The following CAB39 variants were observed in gnomAD, a reference collection of about 807,000 sequenced individuals.
CAB39 encodes calcium binding protein 39.
In CAB39, 8 loss-of-function variants were observed where a neutral mutation model predicts 40.0. The observed-to-expected ratio is 0.20, with a 90% confidence interval of 0.12 to 0.36. The LOEUF (loss-of-function observed/expected upper bound fraction) is 0.36. Ranked by LOEUF, CAB39 falls within the 10% of genes least tolerant of loss-of-function variation. The pLI, the probability that CAB39 is intolerant of heterozygous loss-of-function variation, is 1.00. For missense variants in CAB39, 270 were observed against 401.1 expected (o/e 0.67, Z 2.79); for synonymous variants, 156 against 141.6 (o/e 1.10, Z -0.72).
intron 8 of CAB39, 96 bp from the exon 9 acceptor site, chr2:230,818,420 A>G: frequency 1.0e-6 from 1 of 957,278 alleles, no homozygotes; most frequent in African/African-American, 1.7e-5. Flanking sequence ...CCATCCCAGG[A>G]GAGCACAGCT....
intron 2 of CAB39, among the ~76,000 whole-genome samples, chr2:230,775,197 C>T (rs1410196282): frequency 6.6e-6 from 1 of 151,508 alleles, no homozygotes; most frequent in Admixed American, 6.6e-5. Flanking sequence ...CTCATCATTC[C>T]CCCCAAATCT....
intron 8 of CAB39, chr2:230,818,311 A>T: frequency 1.9e-6 from 1 of 536,990 alleles, no homozygotes; most frequent in Non-Finnish European, 3.3e-6. Flanking sequence ...GAATGAGTTT[A>T]TCAGTCGTAT....
At position 230,798,832 on chromosome 2, in the gene CAB39, G is replaced by T; in HGVS notation, c.502G>T (p.Asp168Tyr). 1 of 1,610,882 alleles carries T rather than the reference G, an allele frequency of 6.2e-7. No individual in the cohort carries two copies. The highest frequency in any genetic ancestry group is 1.3e-5 in the African/African-American group (1 of 75,006). ...KIILWSEQFY[D>Y]FFRYVEMSTF... ...CATTTTGTGGTCGGAACAGTTTTAT[G>T]ATTTCTTCAGATATGTCGAAATGTC... Residue 168 changes from aspartate (D) to tyrosine (Y), a missense_variant, in exon 5 of 9, where the codon GAT becomes TAT. Asp to Tyr is a radical substitution (Grantham distance 160). Coordinates refer to ENST00000258418, the MANE Select transcript of CAB39 (RefSeq NM_016289.4).
intron 1 of CAB39, among the ~76,000 whole-genome samples, chr2:230,744,917 C>A (rs1185541285): frequency 6.6e-6 from 1 of 152,196 alleles, no homozygotes; most frequent in African/African-American, 2.4e-5. Context: ...GCTACTAAAG[C>A]AAAGCCCACT....
intron 1 of CAB39, among the ~76,000 whole-genome samples, chr2:230,727,449 C>G: frequency 7.4e-6 from 1 of 135,620 alleles, no homozygotes; most frequent in Non-Finnish European, 1.5e-5. Flanking sequence ...GGGTCTTGCT[C>G]TATCACCCAC....
intron 2 of CAB39, among the ~76,000 whole-genome samples, chr2:230,762,157 C>T (rs1049639664): frequency 1.9e-4 from 29 of 152,134 alleles, no homozygotes; most frequent in Admixed American, 3.9e-4. Flanking sequence ...ATCCACCAGC[C>T]TCAGCCTCCC....
intron 1 of CAB39, among the ~76,000 whole-genome samples, chr2:230,736,395 T>C (rs929941612): frequency 6.6e-6 from 1 of 152,200 alleles, no homozygotes; most frequent in Non-Finnish European, 1.5e-5. Context: ...TCTCCCCTTC[T>C]GTCTCATCTT....
chr2:230,755,657 T>C (rs1418016918), intron 1 of CAB39, among the ~76,000 whole-genome samples: 1 of 152,248 alleles, frequency 6.6e-6, no homozygotes, highest in Non-Finnish European at 1.5e-5. Flanking sequence ...CCCAGCTCTT[T>C]ATCTTTGCTT....
At chr2:230,745,053 CAGAA>C (rs759952809) in intron 1 of CAB39, among the ~76,000 whole-genome samples, 6 of 152,182 alleles carry the variant, frequency 3.9e-5, no homozygotes, top group Admixed American at 6.5e-5. Context: ...TAAGGATTAA[CAGAA>C]AGCCTTTTTT....
chr2:230,800,673 A>G (rs1696074489), intron 5 of CAB39, among the ~76,000 whole-genome samples: 1 of 152,164 alleles, frequency 6.6e-6, no homozygotes, highest in African/African-American at 2.4e-5. Context: ...CTCTGGCCAC[A>G]TGAGGGTGAA....
chr2:230,773,314 ATGTGTGTGTGTGTG>A (rs71052549), intron 2 of CAB39, among the ~76,000 whole-genome samples: 5 of 132,682 alleles, frequency 3.8e-5, no homozygotes, highest in South Asian at 2.4e-4. Context: ...ATATATATAT[ATGTGTGTGTGTGTG>A]TGTGTGTGTG....
chr2:230,718,964 G>A (rs1189087130), intron 1 of CAB39, among the ~76,000 whole-genome samples: 2 of 152,144 alleles, frequency 1.3e-5, no homozygotes, highest in African/African-American at 4.8e-5. Context: ...ATGCAGTAAT[G>A]TCTTCTTTTG....
chr2:230,769,282 A>C (rs1361527708), intron 2 of CAB39, among the ~76,000 whole-genome samples: 1 of 152,226 alleles, frequency 6.6e-6, no homozygotes, highest in Non-Finnish European at 1.5e-5. Flanking sequence ...GAACTGCAAG[A>C]AGTAGTCAAA....
intron 2 of CAB39, among the ~76,000 whole-genome samples, chr2:230,772,407 T>C (rs949998555): frequency 1.3e-5 from 2 of 151,974 alleles, no homozygotes; most frequent in African/African-American, 2.4e-5. Flanking sequence ...CTATACCAAA[T>C]GTTGGCAAGG....
At chr2:230,791,527 A>G (rs550025286) in intron 3 of CAB39, among the ~76,000 whole-genome samples, 71 of 152,342 alleles carry the variant, frequency 4.7e-4, no homozygotes, top group Non-Finnish European at 2.2e-4. Flanking sequence ...TTAAATTTTA[A>G]ATTAGTGTAA....
chr2:230,786,823 A>G (rs1035860543), intron 2 of CAB39, among the ~76,000 whole-genome samples: 4 of 152,240 alleles, frequency 2.6e-5, no homozygotes, highest in Admixed American at 6.5e-5. Context: ...AGAAAACCCA[A>G]TACATGCAGA....
chr2:230,743,385 A>G (rs1694917870), intron 1 of CAB39, among the ~76,000 whole-genome samples: 1 of 152,196 alleles, frequency 6.6e-6, no homozygotes, highest in African/African-American at 2.4e-5. Flanking sequence ...TGCATTGGAA[A>G]AATGCTGTGA....
rs1481713145 is a variant in CAB39, at chr2:230,791,053, T to C, written c.279+17T>C. 6.4e-7 allele frequency: 1 copy of C among 1,557,440 alleles called. No homozygotes were observed. Among genetic ancestry groups the C allele is most frequent in the Non-Finnish European group, 8.7e-7 (1 of 1,150,762 alleles). ...GACTTTGAGGTAAGAAATCAATTTCTTATTTTTAAAAAACAGTACCCTGTG... is the reference window on the plus strand; with the variant it reads ...GACTTTGAGGTAAGAAATCAATTTCCTATTTTTAAAAAACAGTACCCTGTG... On this transcript the variant is annotated intron_variant, in intron 3 of 8. Coordinates refer to ENST00000258418, the MANE Select transcript of CAB39 (RefSeq NM_016289.4).
intron 1 of CAB39, among the ~76,000 whole-genome samples, chr2:230,756,367 A>G (rs561432075): frequency 1.3e-5 from 2 of 152,400 alleles, no homozygotes; most frequent in South Asian, 4.1e-4. Context: ...ACTAAGTGAT[A>G]GGAATTTTTC....
Sources: allele counts gnomAD v4.1 joint callset (sites outside exome capture counted in the v4.1 genomes callset), GRCh38; gene constraint gnomAD v4.1.1; transcripts MANE v1.5; gene names NCBI Gene and HGNC (gene_info 2026-07-23, HGNC 2026-07-21).